The following KIF7 variants were observed in gnomAD, a reference collection of about 807,000 sequenced individuals.
The protein encoded by KIF7 is kinesin family member 7.
A neutral mutation model predicts 135.7 loss-of-function variants in KIF7; 104 were observed. The observed-to-expected ratio is 0.77, with a 90% CI of 0.65 to 0.90. KIF7 has a LOEUF of 0.90. Ranked by LOEUF, KIF7 falls within the 40% of genes least tolerant of loss-of-function variation. The pLI, the probability that KIF7 is intolerant of heterozygous loss-of-function variation, is 0.00. For synonymous variants in KIF7, 883 were observed against 809.4 expected (o/e 1.09, Z -1.54); for missense variants, 2,005 against 1,839.1 (o/e 1.09, Z -1.65).
intron 17 of KIF7, 54 bp from the exon 18 acceptor site, chr15:89,629,176 GC>G: frequency 1.5e-6 from 2 of 1,377,594 alleles, no homozygotes; most frequent in Non-Finnish European, 2.0e-6. Flanking sequence ...GGGGCAGGCG[GC>G]CAGGGCTGTG....
intron 11 of KIF7, among the ~76,000 whole-genome samples, chr15:89,636,338 T>C (rs1334028483): frequency 2.1e-5 from 3 of 142,522 alleles, no homozygotes; most frequent in Admixed American, 7.1e-5. Flanking sequence ...ATATTAACTT[T>C]AAATGTAAAT....
chr15:89,629,999 CA>C (rs577878471), intron 16 of KIF7: 7 of 542,724 alleles, frequency 1.3e-5, no homozygotes, highest in Non-Finnish European at 2.3e-5. Flanking sequence ...CAGCCATGGC[CA>C]AATGTCACAA....
At chr15:89,647,090 T>C in intron 6 of KIF7, 33 bp from the exon 7 acceptor site, 1 of 1,531,696 alleles carries the variant, frequency 6.5e-7, no homozygotes, top group South Asian at 1.2e-5. Context: ...CAAGGGGGCA[T>C]GAATGCCCCG....
At chr15:89,643,668 C>G (rs1291560501) in intron 10 of KIF7, among the ~76,000 whole-genome samples, 1 of 152,152 alleles carries the variant, frequency 6.6e-6, no homozygotes, top group Non-Finnish European at 1.5e-5. Flanking sequence ...GAGCGGATCA[C>G]GAGGTCAAGA....
chr15:89,625,388 G>A (rs1963501957), downstream of KIF7: 3 of 1,613,810 alleles, frequency 1.9e-6, no homozygotes, highest in Admixed American at 3.3e-5. Context: ...AGGGCGGTGG[G>A]CTGTGGCGCC....
chr15:89,620,404 C>T (rs1199102074), intron 1 of KIF7, among the ~76,000 whole-genome samples: 2 of 151,810 alleles, frequency 1.3e-5, no homozygotes, highest in Non-Finnish European at 2.9e-5. Flanking sequence ...GACTGGGTTT[C>T]ACCATGTTGC....
intron 1 of KIF7, among the ~76,000 whole-genome samples, chr15:89,654,740 C>T (rs1964180920): frequency 6.6e-6 from 1 of 152,218 alleles, no homozygotes; most frequent in Admixed American, 6.5e-5. Context: ...GGGAACTTTC[C>T]CTGCCCTCCC....
At chr15:89,645,482 T>A (rs748241516) in intron 8 of KIF7, 31 bp from the exon 9 acceptor site, 1 of 1,554,374 alleles carries the variant, frequency 6.4e-7, no homozygotes, top group Non-Finnish European at 8.8e-7. Flanking sequence ...GCCATGCTCC[T>A]CCCCAGCCCC....
chr15:89,659,027 C>T (rs996388139), upstream of KIF7, among the ~76,000 whole-genome samples: 13 of 152,010 alleles, frequency 8.6e-5, no homozygotes, highest in African/African-American at 2.9e-4. Flanking sequence ...TAAAAACAAA[C>T]AAAAATCATA....
At position 89,647,031 on chromosome 15, in the gene KIF7, C is replaced by T. The variant is rs756954623; in HGVS notation, c.1587G>A (p.Glu529=). 3.7e-6 allele frequency: 6 copies of T among 1,607,154 alleles called. No homozygotes were observed. In the South Asian group the frequency reaches 6.6e-5, roughly 18 times the overall value. ...ACCGCAGCCGCAGTTCCACCATCTCCTCCTGCTGCTCACGCAGCCGGTCGC... is the reference window on the plus strand; with the variant it reads ...ACCGCAGCCGCAGTTCCACCATCTCTTCCTGCTGCTCACGCAGCCGGTCGC... The part of the protein sequence containing the change: ...LQSDRLREQQ[E]EMVELRLRLE... Residue 529 remains glutamate, a synonymous_variant, in exon 7 of 19, where the codon GAG becomes GAA. Transcript: ENST00000394412.
intron 10 of KIF7, among the ~76,000 whole-genome samples, chr15:89,642,824 C>G (rs1348575268): frequency 6.6e-6 from 1 of 152,226 alleles, no homozygotes; most frequent in African/African-American, 2.4e-5. Flanking sequence ...CCACCTTGGC[C>G]TCCCAAAGTC....
chr15:89,651,937 G>A (rs993876579), intron 2 of KIF7, among the ~76,000 whole-genome samples: 1 of 152,156 alleles, frequency 6.6e-6, no homozygotes, highest in African/African-American at 2.4e-5. Context: ...GAGAGACAGC[G>A]ACTGTCTGTA....
Position 89,649,251 on chromosome 15 carries a change from G to T in KIF7, c.646C>A (p.Arg216Ser). ...GTCACGGTGAAGACCGTGTGTGAGC[G>T]GCTAGACAGGTGGTTGAGGTGCGTG... ...GATHLNHLSS[R>S]SHTVFTVTLE... The change falls in exon 4 of 19, where the codon CGC becomes AGC. Residue 216 changes from arginine to serine, a missense_variant. By Grantham distance (110) the Arg-to-Ser change is moderately radical. Transcript: ENST00000394412. 6.5e-7 allele frequency: 1 copy of T among 1,534,244 alleles called. No homozygotes were observed. Among genetic ancestry groups the T allele is most frequent in the Non-Finnish European group, 8.8e-7 (1 of 1,136,282 alleles).
In KIF7 at chr15:89,633,794, C is replaced by T. The variant is rs774738288; in HGVS notation, c.2484G>A (p.Val828=). The T allele has an allele frequency of 1.2e-5, 19 of 1,612,190 alleles. No homozygotes were observed. Among genetic ancestry groups the T allele is most frequent in the Non-Finnish European group, 1.6e-5 (19 of 1,180,036 alleles). The change falls in exon 12 of 19, where the codon GTG becomes GTA. Residue 828 remains valine (V), a synonymous_variant. Coordinates refer to ENST00000394412, the MANE Select transcript of KIF7 (RefSeq NM_198525.3). ...EKRLQELERN[V]QLMRQQQGQL... ...GTCCCTGCTGCTGCCGCATGAGCTGCACGTTCCGCTCGAGCTCCTGCAGTC... is the reference window on the plus strand; with the variant it reads ...GTCCCTGCTGCTGCCGCATGAGCTGTACGTTCCGCTCGAGCTCCTGCAGTC...
intron 1 of KIF7, chr15:89,619,667 G>T: frequency 6.3e-7 from 1 of 1,576,538 alleles, no homozygotes; most frequent in Non-Finnish European, 8.6e-7. Context: ...TGTCAAGCTT[G>T]TAGTTGTCTT....
At chr15:89,624,752 A>AC, downstream of KIF7, 1 of 1,614,204 alleles carries the variant, frequency 6.2e-7, no homozygotes, top group Admixed American at 1.7e-5. Context: ...TTGAAAAGTA[A>AC]CGTCTTATCA....
At chr15:89,660,948 A>C in the KIF7 span, among the ~76,000 whole-genome samples, 1 of 152,194 alleles carries the variant, frequency 6.6e-6, no homozygotes, top group Non-Finnish European at 1.5e-5. Context: ...AACTGAACCC[A>C]TGCACAGCCT....
rs575297087 is a variant in KIF7, at chr15:89,633,841, G to C, written c.2437C>G (p.Leu813Val). The part of the protein sequence containing the change: ...KKQATERLVS[L>V]SAQSEKRLQE... ...AGTCGCTTCTCACTCTGGGCCGACAGTGACACCAGCCGCTCCGTAGCCTGC... is the reference window on the plus strand; with the variant it reads ...AGTCGCTTCTCACTCTGGGCCGACACTGACACCAGCCGCTCCGTAGCCTGC... The change falls in exon 12 of 19, where the codon CTG (leucine) becomes GTG (valine). Residue 813 changes from leucine to valine, a missense_variant. Transcript: ENST00000394412. 6.2e-7 allele frequency: 1 copy of C among 1,613,690 alleles called. No individual in the cohort carries two copies. Among genetic ancestry groups the C allele is most frequent in the Non-Finnish European group, 8.5e-7 (1 of 1,180,042 alleles).
At chr15:89,647,298 G>A (rs754115304) in intron 6 of KIF7, among the ~76,000 whole-genome samples, 9 of 152,128 alleles carry the variant, frequency 5.9e-5, no homozygotes, top group South Asian at 2.1e-4. Context: ...GAGGGCGCCA[G>A]GAGCAATGCT....
Sources: allele counts gnomAD v4.1 joint callset (sites outside exome capture counted in the v4.1 genomes callset), GRCh38; gene constraint gnomAD v4.1.1; transcripts MANE v1.5; gene names NCBI Gene and HGNC (gene_info 2026-07-23, HGNC 2026-07-21).